The following SPDYE18 variants were observed in gnomAD, a reference collection of about 807,000 sequenced individuals.
SPDYE18 encodes speedy protein E18.
Under a neutral mutation model 44.9 loss-of-function variants are expected in SPDYE18, and 6 were observed. The ratio of observed to expected loss-of-function variants is 0.13; its 90% CI spans 0.07 to 0.26. SPDYE18 has a LOEUF of 0.26. SPDYE18 is among the 10% of genes least tolerant of loss of function. The pLI is 1.00. For missense variants in SPDYE18, 121 were observed against 463.2 expected (o/e 0.26, Z 6.78); for synonymous variants, 35 against 177.1 (o/e 0.20, Z 6.37).
chr7:77,058,017 T>C, intron 3 of SPDYE18, 150 bp from the exon 4 acceptor site: 1 of 592,242 alleles, frequency 1.7e-6, no homozygotes, highest in Non-Finnish European at 2.9e-6. Flanking sequence ...TCTCCTCTGC[T>C]GAGCTCCATG....
chr7:77,060,032 T>TC (rs1340836774), intron 2 of SPDYE18, among the ~76,000 whole-genome samples: 15 of 144,992 alleles, frequency 1.0e-4, no homozygotes, highest in East Asian at 3.9e-4. Context: ...TCTTTTCTTT[T>TC]TTTTTTTTTT....
rs1421002410 is a variant in SPDYE18 at position 77,060,816 on chromosome 7, T to C, written c.-304A>G. Among the ~76,000 whole-genome samples the C allele has an allele frequency of 1.3e-5, 2 of 150,902 alleles. No homozygotes were observed. Among genetic ancestry groups the C allele is most frequent in the Non-Finnish European group, 3.0e-5 (2 of 67,764 alleles). ...CCTCAGACCATTGTCCAAAAGCATCTTCAGGGACTCCACATCCCTGTGTTC... is the reference window on the plus strand; with the variant it reads ...CCTCAGACCATTGTCCAAAAGCATCCTCAGGGACTCCACATCCCTGTGTTC... On this transcript the variant is annotated 5_prime_UTR_variant, in exon 2 of 9. Transcript: ENST00000510091.
In SPDYE18 at chr7:77,058,624, AG is replaced by A. The variant is rs201585065; in HGVS notation, c.379+555del. On this transcript the variant is annotated intron_variant, in intron 3 of 8. Transcript: ENST00000510091. ...TGGGTTCAAGCGATTATCCTGTCTC[AG>A]CCTCCCGAGTAGCTGGGATAACAGG... 6.3e-3 allele frequency among the ~76,000 whole-genome samples: 924 copies of A among 145,626 alleles called. 18 individuals are homozygous for A. The East Asian group carries it at 0.11, about 18-fold the overall frequency.
chr7:77,059,343 C>T lies in SPDYE18; in HGVS notation c.216G>A (p.Lys72=). The change falls in exon 3 of 9, where the codon AAG becomes AAA. Residue 72 remains lysine (K), a synonymous_variant. Coordinates refer to ENST00000510091, the MANE Select transcript of SPDYE18 (RefSeq NM_001394953.1). ...CCTCCTCAGATTCATCTGACCACTCCTTCTTCCTTTTCCAGCCAAGGGACC... is the reference window on the plus strand; with the variant it reads ...CCTCCTCAGATTCATCTGACCACTCTTTCTTCCTTTTCCAGCCAAGGGACC... ...PCRSLGWKRK[K]EWSDESEEEP... is the part of the protein sequence containing the mutation. 1 of 1,446,394 alleles carries T rather than the reference C, an allele frequency of 6.9e-7. No homozygotes were observed. Among genetic ancestry groups the T allele is most frequent in the Non-Finnish European group, 9.2e-7 (1 of 1,088,346 alleles). 89.6% of individuals were successfully genotyped at this position (1,446,394 alleles called of 1,614,324 possible). A position where few individuals can be genotyped will look rare whatever the true frequency, so the allele number is the denominator to read the frequency against.
At chr7:77,058,579 T>C (rs1374663414) in intron 3 of SPDYE18, among the ~76,000 whole-genome samples, 1 of 141,052 alleles carries the variant, frequency 7.1e-6, no homozygotes, top group African/African-American at 2.5e-5. Flanking sequence ...CTATCTTGGC[T>C]CAAAGCAACC....
At chr7:77,052,915 A>G in intron 7 of SPDYE18, 45 bp downstream of exon 7, 1 of 1,611,228 alleles carries the variant, frequency 6.2e-7, no homozygotes. Flanking sequence ...CCTCCAGCCC[A>G]CCCGATTCCT....
chr7:77,053,763 C>T (rs1426340327), intron 6 of SPDYE18, among the ~76,000 whole-genome samples: 2 of 151,762 alleles, frequency 1.3e-5, no homozygotes, highest in Non-Finnish European at 2.9e-5. Flanking sequence ...TGTGTGAACC[C>T]AGGAGGCGGA....
chr7:77,061,100 G>T (rs1338218602), intron 1 of SPDYE18, among the ~76,000 whole-genome samples, 167 bp from the exon 2 acceptor site: 1 of 102,360 alleles, frequency 9.8e-6, no homozygotes, highest in Non-Finnish European at 1.9e-5. Context: ...CAGGAATACT[G>T]ACTTGATGAA....
In SPDYE18 at chr7:77,060,279, G is replaced by A. The variant is rs1790000026; in HGVS notation, c.160+74C>T. 6.5e-6 allele frequency: 10 copies of A among 1,529,318 alleles called. No individual in the cohort carries two copies. In the East Asian group the frequency reaches 9.8e-5, roughly 15 times the overall value. 94.7% of individuals were successfully genotyped at this position (1,529,318 alleles called of 1,614,324 possible). A position where few individuals can be genotyped will look rare whatever the true frequency, so the allele number is the denominator to read the frequency against. On this transcript the variant is annotated intron_variant, in intron 2 of 8. Coordinates refer to ENST00000510091, the MANE Select transcript of SPDYE18 (RefSeq NM_001394953.1). ...CCCAAAGTGCTGGGGTTACAGGCGT[G>A]AGCCACCGCACCCGGCCCCCTTCCT...
rs368542303 is a variant in SPDYE18, at chr7:77,051,460, A to G, written c.*465T>C. Among the ~76,000 whole-genome samples, 15 of 152,278 alleles carry G rather than the reference A, an allele frequency of 9.9e-5. No homozygotes were observed. The highest frequency in any genetic ancestry group is 1.9e-4 in the Non-Finnish European group (13 of 68,044). Reference sequence around the variant, plus strand: ...AGTGTGCATGAAGCTATCTGTTACAATCTGTGGCACTGATATTTCACAAAA... The same window carrying G: ...AGTGTGCATGAAGCTATCTGTTACAGTCTGTGGCACTGATATTTCACAAAA... On this transcript the variant is annotated 3_prime_UTR_variant, in exon 9 of 9. Transcript: ENST00000510091.
rs758416596 is a variant in SPDYE18 at position 77,057,048 on chromosome 7, T to TGA, written c.611-441_611-440insTC. On this transcript the variant is annotated intron_variant, in intron 4 of 8. Transcript: ENST00000510091. Reference sequence around the variant, plus strand: ...TCAGAGGGCACAGCTGAAACCACTTTCTTTGTTTATTGATTTTGTTTTTCT... The same window carrying TGA: ...TCAGAGGGCACAGCTGAAACCACTTTGACTTTGTTTATTGATTTTGTTTTTCT... Among the ~76,000 whole-genome samples the TGA allele has an allele frequency of 3.0e-3, 366 of 123,094 alleles. 1 individual carries two copies. Among genetic ancestry groups the TGA allele is most frequent in the Non-Finnish European group, 5.4e-3 (262 of 48,848 alleles). The allele number at this position is 123,094 out of a possible 152,430, so 80.8% of individuals were successfully genotyped here.
intron 6 of SPDYE18, among the ~76,000 whole-genome samples, chr7:77,054,799 A>C (rs1583975561): frequency 6.8e-6 from 1 of 147,600 alleles, no homozygotes; most frequent in East Asian, 2.0e-4. Context: ...AAAAAGTCTC[A>C]CTCTGTCACC....
In SPDYE18 at chr7:77,060,541, A is replaced by G. The variant is rs1790005368; in HGVS notation, c.-29T>C. Reference sequence around the variant, plus strand: ...CTTCTTCTGGACACTGCTAGGATCCAGAAGAGTATGTTATCAATTCTCAAG... The same window carrying G: ...CTTCTTCTGGACACTGCTAGGATCCGGAAGAGTATGTTATCAATTCTCAAG... On this transcript the variant is annotated 5_prime_UTR_variant, in exon 2 of 9. Transcript: ENST00000510091. The G allele has an allele frequency of 6.5e-7, 1 of 1,534,918 alleles. No individual in the cohort carries two copies. Among genetic ancestry groups the G allele is most frequent in the African/African-American group, 1.4e-5 (1 of 73,012 alleles).
rs1165805625 is a variant in SPDYE18 at position 77,058,463 on chromosome 7, C to T, written c.380-596G>A. ...CTCCATTCTTCCCACACACCCTCCT[C>T]ACGTGCTCCTTCCTGACTTCTGGGC... On this transcript the variant is annotated intron_variant, in intron 3 of 8. Coordinates refer to ENST00000510091, the MANE Select transcript of SPDYE18 (RefSeq NM_001394953.1). Among the ~76,000 whole-genome samples the T allele has an allele frequency of 2.4e-5, 3 of 123,702 alleles. 1 individual carries two copies. The highest frequency in any genetic ancestry group is 1.7e-4 in the Admixed American group (2 of 11,826). 81.2% of individuals were successfully genotyped at this position (123,702 alleles called of 152,430 possible). A position where few individuals can be genotyped will look rare whatever the true frequency, so the allele number is the denominator to read the frequency against.
At chr7:77,058,023 C>G (rs1789954904) in intron 3 of SPDYE18, among the ~76,000 whole-genome samples, 156 bp from the exon 4 acceptor site, 2 of 135,386 alleles carry the variant, frequency 1.5e-5, no homozygotes, top group Non-Finnish European at 3.1e-5. Context: ...CTGCTGAGCT[C>G]CATGTGCCGC....
chr7:77,053,780 A>C (rs1789863493), intron 6 of SPDYE18, among the ~76,000 whole-genome samples: 1 of 151,680 alleles, frequency 6.6e-6, no homozygotes, highest in Admixed American at 6.6e-5. Flanking sequence ...CGGAGGTTGC[A>C]GTGAGTCGAG....
At chr7:77,057,084 TTTTA>T (rs1333136685) in intron 4 of SPDYE18, among the ~76,000 whole-genome samples, 8 of 152,394 alleles carry the variant, frequency 5.2e-5, no homozygotes, top group African/African-American at 1.4e-4. Flanking sequence ...TGATTTTTAT[TTTTA>T]TTTATTTATT....
At chr7:77,053,988 G>C (rs1220265030) in intron 6 of SPDYE18, among the ~76,000 whole-genome samples, 447 of 149,836 alleles carry the variant, frequency 3.0e-3, no homozygotes, top group Non-Finnish European at 4.8e-3. Context: ...CCAGCTTGGG[G>C]GACAGGGCAA....
At chr7:77,058,501 CTTT>C (rs1158671945) in intron 3 of SPDYE18, among the ~76,000 whole-genome samples, 5 of 56,090 alleles carry the variant, frequency 8.9e-5, no homozygotes, top group African/African-American at 1.4e-4. Flanking sequence ...TTCCTTCCTT[CTTT>C]TTTTTTTTTT....
Sources: allele counts gnomAD v4.1 joint callset (sites outside exome capture counted in the v4.1 genomes callset), GRCh38; gene constraint gnomAD v4.1.1; transcripts MANE v1.5; gene names NCBI Gene and HGNC (gene_info 2026-07-23, HGNC 2026-07-21).